The following ABCB5 variants were observed in gnomAD, a reference collection of about 807,000 sequenced individuals.
ABCB5 encodes the protein ATP-binding cassette sub-family B member 5.
A neutral mutation model predicts 144.2 loss-of-function variants in ABCB5; 155 were observed. The ratio of observed to expected loss-of-function variants is 1.08; its 90% confidence interval spans 0.94 to 1.23. The LOEUF is 1.23. Among genes scored for constraint, ABCB5 ranks in the 50% most tolerant of loss-of-function variants. The pLI is 0.00. For missense variants in ABCB5, 1,830 were observed against 1,520.8 expected (o/e 1.20, Z -3.38); for synonymous variants, 610 against 528.6 (o/e 1.15, Z -2.11).
In ABCB5 at chr7:20,753,559, T is replaced by C. The variant is rs565466903; in HGVS notation, c.3576+53T>C. On this transcript the variant is annotated intron_variant, in intron 27 of 27. Transcript: ENST00000404938. The stretch of plus-strand genomic sequence containing the variant: ...TATAATACCAAATATAAGCATCCAA[T>C]AACATGGAGGAAACCAAGGTAAGTT... 637 of 1,557,548 alleles carry C rather than the reference T, an allele frequency of 4.1e-4. 1 individual carries two copies. Among genetic ancestry groups the C allele is most frequent in the South Asian group, 2.4e-3 (201 of 82,054 alleles).
At chr7:20,665,046 T>G (rs1165956589) in intron 14 of ABCB5, among the ~76,000 whole-genome samples, 2 of 152,224 alleles carry the variant, frequency 1.3e-5, no homozygotes, top group East Asian at 1.9e-4. Context: ...GAAGTGACAA[T>G]GAAGAGATTC....
In ABCB5 at chr7:20,660,773, C is replaced by T. The variant is rs147531226; in HGVS notation, c.1707+2097C>T. Among the ~76,000 whole-genome samples, 430 of 152,250 alleles carry T rather than the reference C, an allele frequency of 2.8e-3. 2 individuals carry two copies. Among genetic ancestry groups the T allele is most frequent in the Non-Finnish European group, 4.7e-3 (317 of 68,024 alleles). On this transcript the variant is annotated intron_variant, in intron 14 of 27. Transcript: ENST00000404938. ...AAATATCCTGCAAGCCACTAACCAA[C>T]GAAAGAAGACATAATGAAGTGTATC... is the stretch of plus-strand genomic sequence containing the variant.
intron 14 of ABCB5, among the ~76,000 whole-genome samples, chr7:20,672,715 T>C (rs1174785133): frequency 6.6e-6 from 1 of 152,194 alleles, no homozygotes. Context: ...CAGTTTAAGG[T>C]TCCTTTTGTT....
chr7:20,734,616 T>G (rs945337256), intron 23 of ABCB5, among the ~76,000 whole-genome samples: 1 of 151,756 alleles, frequency 6.6e-6, no homozygotes, highest in African/African-American at 2.4e-5. Flanking sequence ...TAATATTAGT[T>G]TGTCAGCAAG....
chr7:20,723,516 A>C (rs1781940076), intron 21 of ABCB5, among the ~76,000 whole-genome samples: 1 of 152,232 alleles, frequency 6.6e-6, no homozygotes, highest in South Asian at 2.1e-4. Flanking sequence ...AGGTTATGTC[A>C]ACCTTTGTAG....
intron 23 of ABCB5, 146 bp downstream of exon 23, chr7:20,728,601 A>G (rs1782113525): frequency 2.1e-6 from 2 of 962,834 alleles, no homozygotes; most frequent in South Asian, 4.1e-5. Context: ...TAAAAATACA[A>G]AAATTAGCTG....
At chr7:20,695,767 GC>G (rs1330915219) in intron 16 of ABCB5, among the ~76,000 whole-genome samples, 1 of 151,800 alleles carries the variant, frequency 6.6e-6, no homozygotes, top group Non-Finnish European at 1.5e-5. Flanking sequence ...ATTTGAAAAG[GC>G]ATTTTGCTAA....
chr7:20,681,640 C>T lies in ABCB5; in HGVS notation c.1843C>T (p.Leu615=). ...AHAELMAKRG[L]YYSLVMSQDI... is the part of the protein sequence containing the mutation. ...TGCTGAACTAATGGCAAAACGAGGT[C>T]TATATTATTCACTTGTGATGTCACA... The change falls in exon 15 of 28, where the codon CTA becomes TTA. Residue 615 remains leucine (L), a synonymous_variant. Coordinates refer to ENST00000404938, the MANE Select transcript of ABCB5 (RefSeq NM_001163941.2). 1 of 1,614,030 alleles carries T rather than the reference C, an allele frequency of 6.2e-7. No individual in the cohort carries two copies. Among genetic ancestry groups the T allele is most frequent in the East Asian group, 2.2e-5 (1 of 44,878 alleles).
At chr7:20,707,953 G>A (rs1786875851) in intron 20 of ABCB5, among the ~76,000 whole-genome samples, 1 of 151,752 alleles carries the variant, frequency 6.6e-6, no homozygotes, top group Non-Finnish European at 1.5e-5. Context: ...ACAGGTGCCT[G>A]CTACTATGCC....
At chr7:20,687,687 TA>T (rs1187278375) in intron 16 of ABCB5, among the ~76,000 whole-genome samples, 1 of 152,168 alleles carries the variant, frequency 6.6e-6, no homozygotes, top group Non-Finnish European at 1.5e-5. Flanking sequence ...CAGACTGTGG[TA>T]ATCCAGTGAA....
chr7:20,656,087 G>T (rs1192494924), intron 13 of ABCB5, among the ~76,000 whole-genome samples: 1 of 145,278 alleles, frequency 6.9e-6, no homozygotes, highest in Non-Finnish European at 1.5e-5. Context: ...GGTTATCCTT[G>T]TGGAAAAAAT....
intron 14 of ABCB5, among the ~76,000 whole-genome samples, chr7:20,661,861 T>A (rs868518816): frequency 2.6e-5 from 4 of 152,046 alleles, no homozygotes; most frequent in Non-Finnish European, 5.9e-5. Flanking sequence ...TCTGGACTCC[T>A]GGATTTAGAA....
At position 20,717,883 on chromosome 7, in the gene ABCB5, CTTTTTTTTTTTTTTTTTTTTTTTT is replaced by C. The variant is rs574592723; in HGVS notation, c.2422-5120_2422-5097del. Among the ~76,000 whole-genome samples the C allele has an allele frequency of 5.6e-3, 241 of 43,278 alleles. 2 individuals carry two copies. The highest frequency in any genetic ancestry group is 0.017 in the African/African-American group (234 of 13,672). 28.4% of individuals were successfully genotyped at this position (43,278 alleles called of 152,430 possible). ...AATACGGTAACATTCTTGTAACATT[CTTTTTTTTTTTTTTTTTTTTTTTT>C]TTTTTTTTTTTTGATACAGAGCCTC... On this transcript the variant is annotated intron_variant, in intron 20 of 27. Coordinates refer to ENST00000404938, the MANE Select transcript of ABCB5 (RefSeq NM_001163941.2).
At chr7:20,693,066 T>A (rs1446348642) in intron 16 of ABCB5, among the ~76,000 whole-genome samples, 1 of 152,080 alleles carries the variant, frequency 6.6e-6, no homozygotes, top group Non-Finnish European at 1.5e-5. Flanking sequence ...AACAACAGAG[T>A]ATGTCTTCTT....
intron 24 of ABCB5, among the ~76,000 whole-genome samples, chr7:20,742,500 C>G (rs796807553): frequency 3.3e-5 from 5 of 152,214 alleles, no homozygotes; most frequent in Non-Finnish European, 7.3e-5. Context: ...AGAACCCCAG[C>G]TCTTCTGAAT....
intron 5 of ABCB5, among the ~76,000 whole-genome samples, chr7:20,639,560 A>G (rs1427918032): frequency 6.6e-6 from 1 of 152,182 alleles, no homozygotes; most frequent in African/African-American, 2.4e-5. Flanking sequence ...TTTTTTTTGC[A>G]TGTGGCTGTC....
At chr7:20,690,788 A>T (rs1786194418) in intron 16 of ABCB5, among the ~76,000 whole-genome samples, 1 of 152,172 alleles carries the variant, frequency 6.6e-6, no homozygotes, top group Non-Finnish European at 1.5e-5. Context: ...TAGTGAAGGG[A>T]TCCTAACAAA....
At chr7:20,736,986 G>C (rs1282165376) in intron 23 of ABCB5, among the ~76,000 whole-genome samples, 1 of 151,972 alleles carries the variant, frequency 6.6e-6, no homozygotes, top group Admixed American at 6.6e-5. Context: ...TCAGCAGTTC[G>C]AGACCAGCCT....
intron 20 of ABCB5, among the ~76,000 whole-genome samples, chr7:20,711,790 T>TTCTTTCTTTC (rs1294173386): frequency 2.2e-5 from 1 of 46,046 alleles, no homozygotes; most frequent in Non-Finnish European, 4.0e-5. Flanking sequence ...CTTTCTTTCT[T>TTCTTTCTTTC]TCTTTCTTTC....
Sources: allele counts gnomAD v4.1 joint callset (sites outside exome capture counted in the v4.1 genomes callset), GRCh38; gene constraint gnomAD v4.1.1; transcripts MANE v1.5; gene names NCBI Gene and HGNC (gene_info 2026-07-23, HGNC 2026-07-21).